NLK: variants seen among roughly 807,000 people sequenced by gnomAD.
The protein encoded by NLK is serine/threonine-protein kinase NLK.
In NLK, 11 loss-of-function variants were observed where a neutral mutation model predicts 59.0. That is an observed-to-expected ratio of 0.19 (90% confidence interval 0.12 to 0.31). NLK has a LOEUF of 0.31. Among genes scored for constraint, NLK ranks in the 10% least tolerant of loss-of-function variants. NLK has a pLI of 1.00. For synonymous variants in NLK, 235 were observed against 235.9 expected (o/e 1.00, Z 0.03); for missense variants, 410 against 661.1 (o/e 0.62, Z 4.16).
chr17:28,055,822 G>GT (rs1449385536), intron 1 of NLK, among the ~76,000 whole-genome samples: 1 of 152,182 alleles, frequency 6.6e-6, no homozygotes, highest in Non-Finnish European at 1.5e-5. Context: ...TGGTTGACAG[G>GT]TATCAGGTAT....
chr17:28,137,881 AC>A (rs2142026423), intron 3 of NLK, among the ~76,000 whole-genome samples: 1 of 152,190 alleles, frequency 6.6e-6, no homozygotes, highest in African/African-American at 2.4e-5. Flanking sequence ...GTATCTTTTA[AC>A]TTTTTGTCTT....
In NLK at chr17:28,042,932, C is replaced by A; in HGVS notation, c.59C>A (p.Thr20Lys). 1 of 1,549,430 alleles carries A rather than the reference C, an allele frequency of 6.5e-7. No homozygotes were observed. The highest frequency in any genetic ancestry group is 8.7e-7 in the Non-Finnish European group (1 of 1,145,872). The change falls in exon 1 of 11, where the codon ACA becomes AAA. Residue 20 changes from threonine (T) to lysine (K), a missense_variant. By Grantham distance (78) the Thr-to-Lys change is moderately conservative. Coordinates refer to ENST00000407008, the MANE Select transcript of NLK (RefSeq NM_016231.5). The part of the protein sequence containing the change: ...AKMMAAYNGG[T>K]SAAAAGHHHH... ...ATGATGGCGGCTTACAATGGCGGTA[C>A]ATCTGCAGCAGCAGCAGGTCACCAC...
chr17:28,161,398 A>G, intron 4 of NLK, 132 bp downstream of exon 4: 1 of 561,084 alleles, frequency 1.8e-6, no homozygotes. Flanking sequence ...ACCAAAGCAT[A>G]TTTTATAATT....
chr17:28,135,405 C>G (rs1906701437), intron 3 of NLK, among the ~76,000 whole-genome samples: 1 of 152,182 alleles, frequency 6.6e-6, no homozygotes, highest in African/African-American at 2.4e-5. Flanking sequence ...TTTCCCTTCC[C>G]CTCCAGAGGT....
chr17:28,191,997 T>C (rs867468570), intron 9 of NLK, 123 bp from the exon 10 acceptor site: 1 of 572,320 alleles, frequency 1.7e-6, no homozygotes, highest in South Asian at 2.2e-5. Context: ...AGATGATGTG[T>C]GTGTTTGATT....
At chr17:28,134,697 G>A (rs1906665940) in intron 3 of NLK, among the ~76,000 whole-genome samples, 2 of 152,196 alleles carry the variant, frequency 1.3e-5, no homozygotes, top group African/African-American at 4.8e-5. Flanking sequence ...GTGCAGTGAA[G>A]GGTTATTGGA....
At chr17:28,092,270 G>GT (rs1904522952) in intron 1 of NLK, among the ~76,000 whole-genome samples, 3 of 151,592 alleles carry the variant, frequency 2.0e-5, no homozygotes, top group African/African-American at 7.3e-5. Context: ...AAGGCGGGGG[G>GT]GTGGGGGGAG....
rs34863700 is a variant in NLK, at chr17:28,122,027, G to T, written c.459-576G>T. 4.2e-3 allele frequency among the ~76,000 whole-genome samples: 640 copies of T among 152,176 alleles called. 5 individuals carry two copies. Among genetic ancestry groups the T allele is most frequent in the African/African-American group, 0.015 (605 of 41,496 alleles). On this transcript the variant is annotated intron_variant, in intron 1 of 10. Coordinates refer to ENST00000407008, the MANE Select transcript of NLK (RefSeq NM_016231.5). ...AGAGCTGGGAAATAAAAGGGATGAGGTTATCATTACTCGGGAGCTACAGGG... is the reference window on the plus strand; with the variant it reads ...AGAGCTGGGAAATAAAAGGGATGAGTTTATCATTACTCGGGAGCTACAGGG...
chr17:28,189,421 A>G (rs1333969329), intron 8 of NLK, among the ~76,000 whole-genome samples: 1 of 152,236 alleles, frequency 6.6e-6, no homozygotes, highest in Non-Finnish European at 1.5e-5. Flanking sequence ...AAGAGGAAGC[A>G]TTTCTGTTTA....
chr17:28,054,995 TA>T (rs1909388391), intron 1 of NLK, among the ~76,000 whole-genome samples: 1 of 152,194 alleles, frequency 6.6e-6, no homozygotes. Context: ...TATCTGTGGG[TA>T]AATTATTTTA....
At chr17:28,049,884 G>A (rs1390740953) in intron 1 of NLK, among the ~76,000 whole-genome samples, 1 of 152,178 alleles carries the variant, frequency 6.6e-6, no homozygotes, top group Non-Finnish European at 1.5e-5. Flanking sequence ...GGAGGCTGAG[G>A]CAGGATAATC....
At chr17:28,055,267 A>G (rs1438420478) in intron 1 of NLK, among the ~76,000 whole-genome samples, 1 of 151,426 alleles carries the variant, frequency 6.6e-6, no homozygotes, top group Non-Finnish European at 1.5e-5. Flanking sequence ...TAATTCTTAT[A>G]TTTTTAGTAG....
At chr17:28,057,146 G>T (rs1909471544) in intron 1 of NLK, among the ~76,000 whole-genome samples, 1 of 151,670 alleles carries the variant, frequency 6.6e-6, no homozygotes, top group South Asian at 2.1e-4. Context: ...GTAGAGAGGG[G>T]GTTTCTCCAT....
chr17:28,102,857 G>A (rs1324726081), intron 1 of NLK, among the ~76,000 whole-genome samples: 1 of 151,954 alleles, frequency 6.6e-6, no homozygotes, highest in African/African-American at 2.4e-5. Context: ...ACTTCAGGGG[G>A]GCATCAGCTT....
intron 1 of NLK, among the ~76,000 whole-genome samples, chr17:28,108,847 A>G (rs923581308): frequency 3.9e-5 from 6 of 152,154 alleles, no homozygotes; most frequent in African/African-American, 1.4e-4. Context: ...TCTATTCCCC[A>G]TCCCAGACAT....
intron 1 of NLK, among the ~76,000 whole-genome samples, chr17:28,115,839 A>G (rs538623869): frequency 6.6e-6 from 1 of 151,832 alleles, no homozygotes; most frequent in Non-Finnish European, 1.5e-5. Flanking sequence ...GATATTACAT[A>G]TTTTTAATAT....
chr17:28,094,277 C>T (rs938773988), intron 1 of NLK, among the ~76,000 whole-genome samples: 3 of 152,174 alleles, frequency 2.0e-5, no homozygotes, highest in Non-Finnish European at 4.4e-5. Flanking sequence ...ACCAAATTAC[C>T]CACGTAGTTT....
chr17:28,098,498 G>C (rs761443931), intron 1 of NLK, among the ~76,000 whole-genome samples: 5 of 152,012 alleles, frequency 3.3e-5, no homozygotes, highest in Non-Finnish European at 7.4e-5. Context: ...ATTCAGGAAA[G>C]GGGAAGAAAA....
chr17:28,058,351 G>A (rs1390357593), intron 1 of NLK, among the ~76,000 whole-genome samples: 2 of 152,086 alleles, frequency 1.3e-5, no homozygotes, highest in African/African-American at 4.8e-5. Context: ...TCTGTAGGTG[G>A]GCAAACTTTA....
Sources: gnomAD v4.1 joint callset for allele counts (sites outside exome capture counted in the v4.1 genomes callset) on GRCh38, gnomAD v4.1.1 for gene constraint, MANE v1.5 for transcripts, NCBI Gene and HGNC (gene_info 2026-07-23, HGNC 2026-07-21) for gene names.